Variants in SLCO3A1 observed in about 807,000 individuals in gnomAD.
SLCO3A1 encodes solute carrier organic anion transporter family member 3A1.
Under a neutral mutation model 63.1 loss-of-function variants are expected in SLCO3A1, and 27 were observed. The ratio of observed to expected loss-of-function variants is 0.43; its 90% CI spans 0.32 to 0.59. SLCO3A1 has a LOEUF of 0.59. Ranked by LOEUF, SLCO3A1 falls within the 20% of genes least tolerant of loss-of-function variation. The pLI is 0.09. For synonymous variants in SLCO3A1, 473 were observed against 409.9 expected (o/e 1.15, Z -1.86); for missense variants, 773 against 945.8 (o/e 0.82, Z 2.40).
chr15:92,046,931 C>G (rs1215932029), intron 2 of SLCO3A1, among the ~76,000 whole-genome samples: 1 of 134,568 alleles, frequency 7.4e-6, no homozygotes, highest in African/African-American at 2.8e-5. Context: ...GATAATGATG[C>G]TGCTGGTTGC....
At position 91,916,079 on chromosome 15, in the gene SLCO3A1, C is replaced by T. The variant is rs746090030; in HGVS notation, c.267C>T (p.Asn89=). ...TCGCTAGCAGCTTCGAGATCGGGAA[C>T]CTGGCGCTCATCCTCTTCGTGAGCT... ...GVIASSFEIG[N]LALILFVSYF... is the part of the protein sequence containing the mutation. Residue 89 remains asparagine, a synonymous_variant, in exon 2 of 10, where the codon AAC becomes AAT. Transcript: ENST00000318445. The surrounding 1 kb of genome is among the most constrained non-coding windows in gnomAD (Gnocchi z 6.2). 81 of 1,613,026 alleles carry T rather than the reference C, an allele frequency of 5.0e-5. No homozygotes were observed. Among genetic ancestry groups the T allele is most frequent in the Non-Finnish European group, 6.7e-5 (79 of 1,179,970 alleles).
rs188936700 is a variant in SLCO3A1 at position 92,125,098 on chromosome 15, C to T, written c.1175-963C>T. Among the ~76,000 whole-genome samples the T allele has an allele frequency of 3.9e-5, 6 of 152,212 alleles. No homozygotes were observed. In the East Asian group the frequency reaches 1.2e-3, roughly 29 times the overall value. On this transcript the variant is annotated intron_variant, in intron 5 of 9. Transcript: ENST00000318445. ...TGCTGTTTTCTTGCAGAGCTATACC[C>T]CCTTATTATATTTTCTCACCCCAAT... is the stretch of plus-strand genomic sequence containing the variant.
At chr15:91,961,198 C>T (rs1227806541) in intron 2 of SLCO3A1, among the ~76,000 whole-genome samples, 1 of 152,192 alleles carries the variant, frequency 6.6e-6, no homozygotes, top group Non-Finnish European at 1.5e-5. Flanking sequence ...TCTATTATCC[C>T]AGTAGAATTA....
chr15:91,938,355 C>A (rs899976630), intron 2 of SLCO3A1, among the ~76,000 whole-genome samples: 3 of 152,130 alleles, frequency 2.0e-5, no homozygotes, highest in Non-Finnish European at 4.4e-5. Flanking sequence ...AATTTGGCAA[C>A]CCGTTTAGTT....
intron 2 of SLCO3A1, among the ~76,000 whole-genome samples, chr15:92,062,166 C>G (rs1412074798): frequency 1.3e-5 from 2 of 152,216 alleles, no homozygotes; most frequent in Non-Finnish European, 2.9e-5. Context: ...AAATCCTGTA[C>G]TAGGACAGCA....
rs192874083 is a variant in SLCO3A1 at position 92,093,066 on chromosome 15, A to T, written c.647-1815A>T. Among the ~76,000 whole-genome samples the T allele has an allele frequency of 2.0e-5, 3 of 152,326 alleles. No individual in the cohort carries two copies. The East Asian group carries it at 5.8e-4, about 29-fold the overall frequency. ...TTCTTTCCTTCATCAGACATCTCCT[A>T]TAAGCCCCGTTCAAATGACTGCTTC... is the stretch of plus-strand genomic sequence containing the variant. On this transcript the variant is annotated intron_variant, in intron 2 of 9. Coordinates refer to ENST00000318445, the MANE Select transcript of SLCO3A1 (RefSeq NM_013272.4).
chr15:92,122,094 A>G (rs2047869786), intron 5 of SLCO3A1, among the ~76,000 whole-genome samples: 1 of 152,150 alleles, frequency 6.6e-6, no homozygotes, highest in South Asian at 2.1e-4. Context: ...CTGGGACAGG[A>G]AAGACTTGAG....
chr15:91,873,682 A>C (rs1897331641), intron 1 of SLCO3A1, among the ~76,000 whole-genome samples: 1 of 152,172 alleles, frequency 6.6e-6, no homozygotes, highest in South Asian at 2.1e-4. Flanking sequence ...TTTCCCTATA[A>C]AACTGCAACC....
chr15:91,956,234 T>A (rs968061251), intron 2 of SLCO3A1, among the ~76,000 whole-genome samples: 1 of 152,204 alleles, frequency 6.6e-6, no homozygotes, highest in Non-Finnish European at 1.5e-5. Flanking sequence ...CCCTGGTGGC[T>A]TCTCAGCAGC....
chr15:92,149,222 C>G (rs1482043865), intron 8 of SLCO3A1: 1 of 152,240 alleles, frequency 6.6e-6, no homozygotes, highest in African/African-American at 2.4e-5. Flanking sequence ...TGGAGCTTTG[C>G]TGGAAATATT....
At chr15:92,133,861 C>A (rs573282188) in intron 7 of SLCO3A1, among the ~76,000 whole-genome samples, 2 of 152,260 alleles carry the variant, frequency 1.3e-5, no homozygotes, top group African/African-American at 4.8e-5. Flanking sequence ...TCCCCCAAAC[C>A]CCACTGGTCA....
In SLCO3A1 at chr15:91,854,391, C is replaced by G; in HGVS notation, c.180+303C>G. 1.9e-6 allele frequency: 2 copies of G among 1,053,942 alleles called. No individual in the cohort carries two copies. Among genetic ancestry groups the G allele is most frequent in the Admixed American group, 5.5e-5 (1 of 18,044 alleles). The allele number at this position is 1,053,942 out of a possible 1,614,324, so 65.3% of individuals were successfully genotyped here. On this transcript the variant is annotated intron_variant, in intron 1 of 9. Transcript: ENST00000318445. The surrounding 1 kb of genome is among the most constrained non-coding windows in gnomAD (Gnocchi z 6.4). ...GGGCGTGAAACTATTCCTCTCCCCC[C>G]ATAAGAGCGGAGCGAGACGGTGAGT...
intron 2 of SLCO3A1, among the ~76,000 whole-genome samples, chr15:91,959,844 A>G (rs1045652586): frequency 6.6e-6 from 1 of 152,122 alleles, no homozygotes; most frequent in Non-Finnish European, 1.5e-5. Flanking sequence ...ATCACCCCTA[A>G]AATGGAACCT....
intron 8 of SLCO3A1, chr15:92,149,599 C>T (rs551467843): frequency 2.4e-4 from 37 of 152,362 alleles, no homozygotes; most frequent in African/African-American, 7.9e-4. Flanking sequence ...CAGCTAGTAC[C>T]TTTAGAACTA....
chr15:91,941,717 T>G lies in SLCO3A1; in HGVS notation c.646+25259T>G. ...TTTTTCCTCCTTTTTAATTTTTATG[T>G]TTAAAATATCTTCTATTCATTAACC... On this transcript the variant is annotated intron_variant, in intron 2 of 9. Transcript: ENST00000318445. The surrounding 1 kb of genome is among the most constrained non-coding windows in gnomAD (Gnocchi z 4.4). 2.7e-6 allele frequency: 1 copy of G among 367,018 alleles called. No homozygotes were observed. The highest frequency in any genetic ancestry group is 5.3e-6 in the Non-Finnish European group (1 of 190,236). The allele number at this position is 367,018 out of a possible 1,614,324, so 22.7% of individuals were successfully genotyped here. A position where few individuals can be genotyped will look rare whatever the true frequency, so the allele number is the denominator to read the frequency against.
intron 2 of SLCO3A1, among the ~76,000 whole-genome samples, chr15:92,007,522 G>A (rs1387413022): frequency 6.6e-6 from 1 of 152,220 alleles, no homozygotes. Context: ...TAGTGTGGAA[G>A]GAGGCTTGCC....
chr15:92,169,816 C>T (rs559945175), downstream of SLCO3A1, among the ~76,000 whole-genome samples: 1 of 152,304 alleles, frequency 6.6e-6, no homozygotes, highest in African/African-American at 2.4e-5. Context: ...GGGCACTTGT[C>T]ATATTGAGTT....
At chr15:92,046,818 C>T (rs534952936) in intron 2 of SLCO3A1, among the ~76,000 whole-genome samples, 6 of 149,890 alleles carry the variant, frequency 4.0e-5, no homozygotes, top group Non-Finnish European at 7.4e-5. Context: ...TGTCTGTCAC[C>T]TAGGTCTGTC....
chr15:91,880,626 ATTGT>A (rs958797076), intron 1 of SLCO3A1, among the ~76,000 whole-genome samples: 1 of 149,638 alleles, frequency 6.7e-6, no homozygotes, highest in African/African-American at 2.5e-5. Context: ...ACCTTTTGAG[ATTGT>A]TTTTTTTTTT....
Sources: allele counts gnomAD v4.1 joint callset (sites outside exome capture counted in the v4.1 genomes callset), GRCh38; gene constraint gnomAD v4.1.1; non-coding constraint Gnocchi (gnomAD v3.1); transcripts MANE v1.5; gene names NCBI Gene and HGNC (gene_info 2026-07-23, HGNC 2026-07-21).